The following TPD52L1 variants were observed in gnomAD, a reference collection of about 807,000 sequenced individuals.
TPD52L1 encodes the protein tumor protein D53.
Under a neutral mutation model 28.7 loss-of-function variants are expected in TPD52L1, and 18 were observed. The observed-to-expected ratio is 0.63, with a 90% CI of 0.43 to 0.93. The LOEUF (loss-of-function observed/expected upper bound fraction) is 0.93. TPD52L1 is among the 40% of genes least tolerant of loss of function. The probability of loss-of-function intolerance (pLI) is 0.00; values close to 1 mark genes in which losing one functional copy is unlikely to be tolerated. For synonymous variants in TPD52L1, 75 were observed against 88.8 expected (o/e 0.84, Z 0.88); for missense variants, 203 against 254.8 (o/e 0.80, Z 1.39).
At chr6:125,196,823 C>T (rs964944677) in intron 1 of TPD52L1, among the ~76,000 whole-genome samples, 2 of 152,160 alleles carry the variant, frequency 1.3e-5, no homozygotes, top group African/African-American at 2.4e-5. Flanking sequence ...TGGAGGTGAG[C>T]GTGAATAAGA....
At chr6:125,249,525 T>C (rs1003462534) in intron 4 of TPD52L1, among the ~76,000 whole-genome samples, 5 of 151,122 alleles carry the variant, frequency 3.3e-5, no homozygotes, top group African/African-American at 9.7e-5. Flanking sequence ...TTAAAAAATA[T>C]ATATATATAC....
intron 1 of TPD52L1, among the ~76,000 whole-genome samples, chr6:125,186,907 G>T (rs181533835): frequency 8.0e-4 from 122 of 152,194 alleles, no homozygotes; most frequent in African/African-American, 2.8e-3. Context: ...AGTAATTGGG[G>T]TGACTGTTTC....
At chr6:125,220,281 T>G in intron 2 of TPD52L1, 88 bp downstream of exon 2, 1 of 817,166 alleles carries the variant, frequency 1.2e-6, no homozygotes, top group South Asian at 1.7e-5. Context: ...AATGATGTTG[T>G]ATTGTAATGA....
intron 2 of TPD52L1, among the ~76,000 whole-genome samples, chr6:125,226,885 T>C (rs981635563): frequency 1.3e-5 from 2 of 152,112 alleles, no homozygotes; most frequent in African/African-American, 4.8e-5. Context: ...TATGACATGA[T>C]AACAAAAGAA....
intron 1 of TPD52L1, among the ~76,000 whole-genome samples, chr6:125,168,175 T>C (rs1405120044): frequency 2.6e-5 from 4 of 152,196 alleles, no homozygotes; most frequent in African/African-American, 9.6e-5. Context: ...GGGTACTTAC[T>C]ATTAAATATG....
chr6:125,155,924 A>G (rs1380685670), intron 1 of TPD52L1, among the ~76,000 whole-genome samples: 2 of 152,182 alleles, frequency 1.3e-5, no homozygotes, highest in Admixed American at 1.3e-4. Context: ...AATTTTTGCC[A>G]TGACTTTTTA....
chr6:125,201,799 TA>T (rs1793813145), intron 1 of TPD52L1, among the ~76,000 whole-genome samples: 1 of 152,248 alleles, frequency 6.6e-6, no homozygotes, highest in African/African-American at 2.4e-5. Context: ...AATTCTTGCA[TA>T]TTTTATTCTT....
intron 1 of TPD52L1, among the ~76,000 whole-genome samples, chr6:125,196,443 A>G (rs1226540808): frequency 6.6e-6 from 1 of 152,246 alleles, no homozygotes; most frequent in Non-Finnish European, 1.5e-5. Context: ...TGCCCTGCAA[A>G]TGCAAAAAAG....
At chr6:125,178,722 T>C (rs1791986594) in intron 1 of TPD52L1, among the ~76,000 whole-genome samples, 1 of 151,950 alleles carries the variant, frequency 6.6e-6, no homozygotes, top group Non-Finnish European at 1.5e-5. Flanking sequence ...GGATGTGAAA[T>C]GTGAGGGATG....
intron 1 of TPD52L1, among the ~76,000 whole-genome samples, chr6:125,157,242 G>A (rs1015911038): frequency 1.3e-5 from 2 of 152,172 alleles, no homozygotes; most frequent in African/African-American, 4.8e-5. Context: ...TTGCTGATGA[G>A]TTGTACCTCA....
chr6:125,253,727 C>T lies in TPD52L1; in HGVS notation c.397C>T (p.Arg133Cys), dbSNP rs34034771. 35 of 1,612,980 alleles carry T rather than the reference C, an allele frequency of 2.2e-5. No individual in the cohort carries two copies. The highest frequency in any genetic ancestry group is 6.7e-5 in the East Asian group (3 of 44,874). Residue 133 changes from arginine (R) to cysteine (C), a missense_variant, in exon 5 of 7, where the codon CGC (arginine) becomes TGC (cysteine). Arg to Cys is a radical substitution (Grantham distance 180, BLOSUM62 -3). Transcript: ENST00000534000. ...KKFGDMSYSI[R>C]HSISMPAMRN... ...GCTTTTGCTCTGAAGTTACTCCATT[C>T]GCCATTCCATAAGTATGCCTGCTAT...
chr6:125,219,367 A>G (rs73577789), intron 1 of TPD52L1, among the ~76,000 whole-genome samples: 2,178 of 152,228 alleles, frequency 0.014, 11 homozygotes, highest in African/African-American at 0.023. Context: ...CTCTTCCCAT[A>G]TTTTCCTCTG....
At chr6:125,172,524 A>ATTATATATAT (rs573060560) in intron 1 of TPD52L1, among the ~76,000 whole-genome samples, 2 of 76,472 alleles carry the variant, frequency 2.6e-5, no homozygotes, top group South Asian at 4.0e-4. Flanking sequence ...ATATATATAT[A>ATTATATATAT]TATATATATA....
At chr6:125,260,851 T>A (rs1184269182) in intron 6 of TPD52L1, among the ~76,000 whole-genome samples, 11 of 90,656 alleles carry the variant, frequency 1.2e-4, no homozygotes, top group Non-Finnish European at 1.6e-4. Flanking sequence ...AGAAAGAAAG[T>A]GAGAGAGAGA....
intron 1 of TPD52L1, among the ~76,000 whole-genome samples, chr6:125,210,127 C>A (rs1794400145): frequency 6.6e-6 from 1 of 152,124 alleles, no homozygotes; most frequent in Non-Finnish European, 1.5e-5. Context: ...CAGGAGAAGT[C>A]AAATAATCAG....
At chr6:125,154,213 C>G in intron 1 of TPD52L1, 1 of 1,344,026 alleles carries the variant, frequency 7.4e-7, no homozygotes, top group Non-Finnish European at 9.5e-7. Flanking sequence ...TCAGGAAATG[C>G]GCCCGTGGAA....
chr6:125,180,690 A>AT (rs1248924462), intron 1 of TPD52L1, among the ~76,000 whole-genome samples: 1 of 152,188 alleles, frequency 6.6e-6, no homozygotes, highest in Non-Finnish European at 1.5e-5. Context: ...AATTCAACTT[A>AT]CAATGGAAAA....
chr6:125,247,946 G>GACAA (rs1403830067), intron 3 of TPD52L1, among the ~76,000 whole-genome samples: 1 of 152,178 alleles, frequency 6.6e-6, no homozygotes, highest in Non-Finnish European at 1.5e-5. Flanking sequence ...AGCTGTCATT[G>GACAA]ACAAGTGTCT....
chr6:125,167,467 C>A (rs912364295), intron 1 of TPD52L1, among the ~76,000 whole-genome samples: 12 of 152,216 alleles, frequency 7.9e-5, no homozygotes, highest in African/African-American at 2.6e-4. Flanking sequence ...GCTCTTGTAG[C>A]CCATTCTCAA....
Sources: allele counts gnomAD v4.1 joint callset (sites outside exome capture counted in the v4.1 genomes callset), GRCh38; gene constraint gnomAD v4.1.1; transcripts MANE v1.5; gene names NCBI Gene and HGNC (gene_info 2026-07-23, HGNC 2026-07-21).